Variants in PTPRS observed in about 807,000 individuals in gnomAD.
The protein encoded by PTPRS is protein tyrosine phosphatase receptor type S.
In PTPRS, 63 loss-of-function variants were observed where a neutral mutation model predicts 215.3. That is an observed-to-expected ratio of 0.29 (90% CI 0.24 to 0.36). PTPRS has a LOEUF of 0.36. PTPRS is among the 10% of genes least tolerant of loss of function. PTPRS has a pLI of 1.00. For missense variants in PTPRS, 2,258 were observed against 2,825.8 expected (o/e 0.80, Z 4.56); for synonymous variants, 1,404 against 1,191.4 (o/e 1.18, Z -3.68).
intron 35 of PTPRS, 119 bp from the exon 36 acceptor site, chr19:5,208,510 T>C: frequency 9.3e-7 from 1 of 1,075,458 alleles, no homozygotes; most frequent in Non-Finnish European, 1.3e-6. Context: ...AGATGGAGTT[T>C]CACTCTTGTC....
chr19:5,282,909 C>T (rs2047988771), intron 2 of PTPRS, among the ~76,000 whole-genome samples: 2 of 152,104 alleles, frequency 1.3e-5, no homozygotes, highest in South Asian at 2.1e-4. Context: ...ATCACGCAGG[C>T]TGGATAAATG....
rs750236582 is a variant in PTPRS at position 5,217,697 on chromosome 19, G to A, written c.4048+723C>T. On this transcript the variant is annotated intron_variant, in intron 25 of 37. Coordinates refer to ENST00000262963, the MANE Select transcript of PTPRS (RefSeq NM_002850.4). ...AGTTCAGAGATACGAAGTGGAGACC[G>A]GGTACAGTTGGAAGGACAGATGTAA... 5.3e-4 allele frequency among the ~76,000 whole-genome samples: 81 copies of A among 152,176 alleles called. 1 individual carries two copies. Among genetic ancestry groups the A allele is most frequent in the Non-Finnish European group, 3.1e-4 (21 of 68,026 alleles).
chr19:5,254,570 G>A (rs2045409470), intron 9 of PTPRS, among the ~76,000 whole-genome samples: 1 of 152,270 alleles, frequency 6.6e-6, no homozygotes, highest in South Asian at 2.1e-4. Context: ...AGAAAGAGAA[G>A]CAGAGGGAGA....
At chr19:5,211,489 C>T in intron 33 of PTPRS, 101 bp downstream of exon 33, 1 of 1,233,588 alleles carries the variant, frequency 8.1e-7, no homozygotes, top group African/African-American at 1.5e-5. Flanking sequence ...CTCAGGGCTA[C>T]CAGTATCTCC....
intron 1 of PTPRS, among the ~76,000 whole-genome samples, chr19:5,297,099 C>T (rs547579466): frequency 1.3e-5 from 2 of 152,162 alleles, no homozygotes; most frequent in Non-Finnish European, 2.9e-5. Context: ...GATTGCCCCG[C>T]CTACTCCGTG....
intron 16 of PTPRS, among the ~76,000 whole-genome samples, chr19:5,226,652 G>C (rs1184737909): frequency 6.6e-6 from 1 of 152,110 alleles, no homozygotes; most frequent in Non-Finnish European, 1.5e-5. Context: ...GGGTGGCTGA[G>C]GCAGGAGGAT....
At chr19:5,256,434 C>T (rs899331261) in intron 8 of PTPRS, among the ~76,000 whole-genome samples, 4 of 152,104 alleles carry the variant, frequency 2.6e-5, no homozygotes, top group Non-Finnish European at 5.9e-5. Flanking sequence ...ACCTCACCCC[C>T]TCAACTGTCC....
intron 4 of PTPRS, among the ~76,000 whole-genome samples, chr19:5,269,400 T>C (rs935672403): frequency 1.3e-5 from 2 of 151,816 alleles, no homozygotes; most frequent in African/African-American, 2.4e-5. Context: ...GCAGGAGGCG[T>C]GTGTGGGGTC....
intron 1 of PTPRS, among the ~76,000 whole-genome samples, chr19:5,321,379 T>C (rs1305967819): frequency 2.0e-5 from 3 of 152,260 alleles, no homozygotes; most frequent in Non-Finnish European, 4.4e-5. Context: ...ATCTCCCTGA[T>C]GTCTCCCGAC....
At chr19:5,286,354 C>T in intron 1 of PTPRS, 120 bp from the exon 2 acceptor site, 3 of 577,546 alleles carry the variant, frequency 5.2e-6, no homozygotes, top group South Asian at 3.9e-5. Context: ...GGTCATGGGA[C>T]AATGGGGAAG....
chr19:5,305,746 A>AATAAATATATAT (rs71172708), intron 1 of PTPRS, among the ~76,000 whole-genome samples: 51 of 105,700 alleles, frequency 4.8e-4, no homozygotes, highest in Non-Finnish European at 8.2e-4. Flanking sequence ...TAAATAAATA[A>AATAAATATATAT]ATATATATAT....
chr19:5,273,377 T>C (rs2047085758), intron 4 of PTPRS, 65 bp downstream of exon 4: 1 of 1,609,920 alleles, frequency 6.2e-7, no homozygotes, highest in Non-Finnish European at 8.5e-7. Context: ...CATGTATTCC[T>C]TTTGTGCTTG....
chr19:5,303,380 T>C (rs1474596211), intron 1 of PTPRS, among the ~76,000 whole-genome samples: 5 of 152,136 alleles, frequency 3.3e-5, no homozygotes, highest in Admixed American at 2.6e-4. Context: ...GATCTGGTTT[T>C]GGTCACAGCT....
In PTPRS at chr19:5,222,204, G is replaced by T; in HGVS notation, c.3120C>A (p.Phe1040Leu). The change falls in exon 19 of 38, where the codon TTC becomes TTA. Residue 1040 changes from phenylalanine (F) to leucine (L), a missense_variant. Phe to Leu is a conservative substitution (Grantham distance 22). Around this residue, in one of 6 missense-constraint regions of PTPRS, gnomAD observed 361 missense variants for 332.6 expected, o/e 1.09. Transcript: ENST00000262963. Reference sequence around the variant, plus strand: ...ATGTCTTCATGATCATTTTCACCTTGAAGTTCTTGGGCGAGACTGCCGGGG... The same window carrying T: ...ATGTCTTCATGATCATTTTCACCTTTAAGTTCTTGGGCGAGACTGCCGGGG... The part of the protein sequence containing the change: ...FLRDQVSPKN[F>L]KVKMIMKTSV... 6.2e-7 allele frequency: 1 copy of T among 1,613,896 alleles called. No homozygotes were observed. The highest frequency in any genetic ancestry group is 8.5e-7 in the Non-Finnish European group (1 of 1,179,972).
chr19:5,292,835 C>T (rs1162543364), intron 1 of PTPRS: 6 of 143,806 alleles, frequency 4.2e-5, no homozygotes, highest in African/African-American at 1.0e-4. Context: ...GCTCCGCCCC[C>T]GGGAGGTGGG....
In PTPRS at chr19:5,237,869, G is replaced by C. The variant is rs1226418957; in HGVS notation, c.1849+1050C>G. ...GGGCCGGCGGGGGCAGGGGGGTTGT[G>C]TCTCCGAGGCGCCCCACCCCCCCGA... On this transcript the variant is annotated intron_variant, in intron 13 of 37. Coordinates refer to ENST00000262963, the MANE Select transcript of PTPRS (RefSeq NM_002850.4). The surrounding 1 kb of genome is among the most constrained non-coding windows in gnomAD (Gnocchi z 4.2). 6.6e-6 allele frequency among the ~76,000 whole-genome samples: 1 copy of C among 152,076 alleles called. No individual in the cohort carries two copies. The highest frequency in any genetic ancestry group is 1.5e-5 in the Non-Finnish European group (1 of 67,996).
chr19:5,225,140 G>A (rs1284951621), intron 17 of PTPRS, among the ~76,000 whole-genome samples: 6 of 152,148 alleles, frequency 3.9e-5, no homozygotes, highest in Admixed American at 3.3e-4. Context: ...CCTTGGGGAC[G>A]ATGGAAGGGA....
At chr19:5,333,073 C>T (rs2050378614) in intron 1 of PTPRS, among the ~76,000 whole-genome samples, 1 of 151,992 alleles carries the variant, frequency 6.6e-6, no homozygotes, top group Non-Finnish European at 1.5e-5. Flanking sequence ...CACTTGAACC[C>T]GGGAGGCGGA....
chr19:5,317,531 C>T (rs981163582), intron 1 of PTPRS, among the ~76,000 whole-genome samples: 3 of 152,084 alleles, frequency 2.0e-5, no homozygotes, highest in Non-Finnish European at 4.4e-5. Context: ...GGGCAATGGC[C>T]GCAAAATCAC....
Sources: gnomAD v4.1 joint callset for allele counts (sites outside exome capture counted in the v4.1 genomes callset) on GRCh38, gnomAD v4.1.1 for gene constraint, gnomAD v4.1.1 regional missense constraint, Gnocchi (gnomAD v3.1) non-coding constraint, MANE v1.5 for transcripts, NCBI Gene and HGNC (gene_info 2026-07-23, HGNC 2026-07-21) for gene names.